Variants in S1PR2 observed in about 807,000 individuals in gnomAD.
S1PR2 encodes sphingosine-1-phosphate receptor 2, also known as sphingosine 1-phosphate receptor 2.
A neutral mutation model predicts 16.1 loss-of-function variants in S1PR2; 9 were observed. The ratio of observed to expected loss-of-function variants is 0.56; its 90% CI spans 0.34 to 0.98. The LOEUF (loss-of-function observed/expected upper bound fraction) is 0.98, where lower values mean the gene tolerates loss of function less well. S1PR2 is among the 50% of genes least tolerant of loss of function. The probability of loss-of-function intolerance (pLI) is 0.02; values close to 1 mark genes in which losing one functional copy is unlikely to be tolerated. For missense variants in S1PR2, 361 were observed against 488.4 expected, an observed-to-expected ratio of 0.74 and a Z score of 2.46; for synonymous variants, 224 against 233.9, an observed-to-expected ratio of 0.96 and a Z score of 0.38.
At chr19:10,226,618 AC>A (rs1372055803) in intron 1 of S1PR2, among the ~76,000 whole-genome samples, 1 of 152,144 alleles carries the variant, frequency 6.6e-6, no homozygotes, top group Non-Finnish European at 1.5e-5. Flanking sequence ...TCTCATCAGC[AC>A]CATCTAGCTC....
intron 1 of S1PR2, among the ~76,000 whole-genome samples, chr19:10,229,684 G>A (rs923511396): frequency 7.2e-5 from 11 of 152,112 alleles, no homozygotes; most frequent in African/African-American, 2.7e-4. Flanking sequence ...GCCCGTGGTA[G>A]CCACCCTACC....
At chr19:10,230,460 G>C (rs1430137498) in intron 1 of S1PR2, 1 of 154,600 alleles carries the variant, frequency 6.5e-6, no homozygotes, top group Non-Finnish European at 1.5e-5. Context: ...GGGGACTGTG[G>C]GCTCAGCGCG....
At chr19:10,225,787 G>A (rs879724466) in intron 1 of S1PR2, among the ~76,000 whole-genome samples, 7 of 151,820 alleles carry the variant, frequency 4.6e-5, no homozygotes, top group African/African-American at 7.3e-5. Context: ...AATTCTCCTC[G>A]GCCTCTCAAA....
At position 10,223,457 on chromosome 19, in the gene S1PR2, G is replaced by A. The variant is rs936304928; in HGVS notation, c.*387C>T. 3.9e-5 allele frequency: 7 copies of A among 179,098 alleles called. No individual in the cohort carries two copies. The highest frequency in any genetic ancestry group is 8.2e-5 in the Non-Finnish European group (7 of 85,482). 11.1% of individuals were successfully genotyped at this position (179,098 alleles called of 1,614,324 possible). A position where few individuals can be genotyped will look rare whatever the true frequency, so the allele number is the denominator to read the frequency against. On this transcript the variant is annotated 3_prime_UTR_variant, in exon 2 of 2. Coordinates refer to ENST00000646641, the MANE Select transcript of S1PR2 (RefSeq NM_004230.4). Reference sequence around the variant, plus strand: ...GCCGAGATCACGCCACTGCACTCCAGCCTGGGCAGCAGTGCAAGATTCCGT... The same window carrying A: ...GCCGAGATCACGCCACTGCACTCCAACCTGGGCAGCAGTGCAAGATTCCGT...
rs2039615715 is a variant in S1PR2 at position 10,224,360 on chromosome 19, G to A, written c.546C>T (p.Val182=). 5 of 1,613,958 alleles carry A rather than the reference G, an allele frequency of 3.1e-6. No individual in the cohort carries two copies. The highest frequency in any genetic ancestry group is 3.3e-5 in the Admixed American group (2 of 60,016). Reference sequence around the variant, plus strand: ...CATAATGCTTGGCGTAGAGAGGCAGGACAGTGGAGCAGGCCTCGAGGTGGC... The same window carrying A: ...CATAATGCTTGGCGTAGAGAGGCAGAACAGTGGAGCAGGCCTCGAGGTGGC... ...CLGHLEACST[V]LPLYAKHYVL... The change falls in exon 2 of 2, where the codon GTC becomes GTT. Residue 182 remains valine, a synonymous_variant. Transcript: ENST00000646641.
At chr19:10,230,016 A>G (rs2145446136) in intron 1 of S1PR2, among the ~76,000 whole-genome samples, 1 of 152,140 alleles carries the variant, frequency 6.6e-6, no homozygotes, top group South Asian at 2.1e-4. Flanking sequence ...AACAAAGGAG[A>G]CCCTAGTGGG....
chr19:10,226,200 C>T (rs768287206), intron 1 of S1PR2, among the ~76,000 whole-genome samples: 7 of 152,340 alleles, frequency 4.6e-5, no homozygotes, highest in South Asian at 4.1e-4. Flanking sequence ...CACCCACTAA[C>T]GCTGGATTTC....
Position 10,224,591 on chromosome 19 carries a change from C to T in S1PR2, c.315G>A (p.Trp105Ter), listed in dbSNP as rs1233557418. The T allele has an allele frequency of 1.2e-6, 2 of 1,614,014 alleles. No homozygotes were observed. Among genetic ancestry groups the T allele is most frequent in the Non-Finnish European group, 1.7e-6 (2 of 1,180,038 alleles). ...SVTLRLTPVQWFAREGSAFIT... is the reference protein window; with the variant it reads ...SVTLRLTPVQ ...TGAAGGCAGAGCCCTCCCGGGCAAA[C>T]CACTGCACAGGCGTCAGCCTCAGCG... Residue 105 changes from tryptophan to a stop codon, truncating the protein, a stop_gained, in exon 2 of 2, where the codon TGG becomes TGA. Transcript: ENST00000646641. LOFTEE classifies it high-confidence loss of function.
chr19:10,229,295 A>T (rs147869829), intron 1 of S1PR2, among the ~76,000 whole-genome samples: 36 of 146,896 alleles, frequency 2.5e-4, no homozygotes, highest in East Asian at 2.2e-3. Context: ...CAAAAAAAAA[A>T]TTTTTTTTTT....
intron 1 of S1PR2, among the ~76,000 whole-genome samples, chr19:10,230,140 A>G (rs2145446298): frequency 6.6e-6 from 1 of 152,344 alleles, no homozygotes; most frequent in South Asian, 2.1e-4. Context: ...AACCAGGCAA[A>G]GCCCAGCGTG....
intron 1 of S1PR2, among the ~76,000 whole-genome samples, chr19:10,227,759 C>T (rs1363719638): frequency 6.6e-6 from 1 of 152,176 alleles, no homozygotes; most frequent in African/African-American, 2.4e-5. Flanking sequence ...TTATAGGCGA[C>T]GGGAGCTCAG....
chr19:10,230,661 C>G (rs186315882), intron 1 of S1PR2, among the ~76,000 whole-genome samples: 1 of 152,360 alleles, frequency 6.6e-6, no homozygotes, highest in Admixed American at 6.5e-5. Context: ...GGCGTCTGAG[C>G]CACGCAGTCA....
chr19:10,223,617 G>A lies in S1PR2; in HGVS notation c.*227C>T. The A allele has an allele frequency of 6.0e-6, 3 of 503,346 alleles. 1 individual carries two copies. Among genetic ancestry groups the A allele is most frequent in the Non-Finnish European group, 1.0e-5 (3 of 287,224 alleles). The allele number at this position is 503,346 out of a possible 1,614,324, so 31.2% of individuals were successfully genotyped here. On this transcript the variant is annotated 3_prime_UTR_variant, in exon 2 of 2. Transcript: ENST00000646641. ...GGCCTCCCCAGGATCCAGTTCTAAA[G>A]GGGTCACACTAGCCACTGGACTGGC...
In S1PR2 at chr19:10,222,582, A is replaced by C. The variant is rs944152284; in HGVS notation, c.*1262T>G. ...TTCTGTGCCCCAAATAGTGCAACTG[A>C]GCAATGAGGTCTGAGAATGAGGAAT... is the stretch of plus-strand genomic sequence containing the variant. On this transcript the variant is annotated 3_prime_UTR_variant, in exon 2 of 2. Coordinates refer to ENST00000646641, the MANE Select transcript of S1PR2 (RefSeq NM_004230.4). 3.9e-5 allele frequency: 6 copies of C among 152,276 alleles called. No individual in the cohort carries two copies. The highest frequency in any genetic ancestry group is 1.4e-4 in the African/African-American group (6 of 41,422). 9.4% of individuals were successfully genotyped at this position (152,276 alleles called of 1,614,324 possible). A position where few individuals can be genotyped will look rare whatever the true frequency, so the allele number is the denominator to read the frequency against.
chr19:10,223,220 CT>C lies in S1PR2; in HGVS notation c.*623del, dbSNP rs2039605202. On this transcript the variant is annotated 3_prime_UTR_variant, in exon 2 of 2. Transcript: ENST00000646641. ...AAAAAAAAAAAGCCGGGCACGGTGG[CT>C]CACGCCTGTAATCCCAGCACTTTGG... The C allele has an allele frequency of 7.7e-6, 1 of 129,196 alleles. No homozygotes were observed. The allele number at this position is 129,196 out of a possible 1,614,324, so 8.0% of individuals were successfully genotyped here.
chr19:10,224,991 G>C (rs2039623331), intron 1 of S1PR2, 44 bp from the exon 2 acceptor site: 1 of 1,139,686 alleles, frequency 8.8e-7, no homozygotes, highest in African/African-American at 1.5e-5. Flanking sequence ...GGTCAGAGCT[G>C]TGGCTGCTAC....
chr19:10,227,455 C>T (rs535914436), intron 1 of S1PR2, among the ~76,000 whole-genome samples: 3 of 152,266 alleles, frequency 2.0e-5, no homozygotes, highest in Non-Finnish European at 4.4e-5. Context: ...TGCACGTCCC[C>T]GGGGACTGCT....
intron 1 of S1PR2, among the ~76,000 whole-genome samples, chr19:10,228,613 G>A (rs1039165190): frequency 5.3e-5 from 8 of 152,220 alleles, no homozygotes; most frequent in Admixed American, 6.5e-5. Context: ...GGAGCTGGCA[G>A]AAGAGTCACC....
At chr19:10,229,977 A>AAATG (rs56817125) in intron 1 of S1PR2, among the ~76,000 whole-genome samples, 36,397 of 151,616 alleles carry the variant, frequency 0.24, 5,604 homozygotes, top group African/African-American at 0.45. Flanking sequence ...TGGAATGGGC[A>AAATG]AATGAATGAA....
Sources: gnomAD v4.1 joint callset for allele counts (sites outside exome capture counted in the v4.1 genomes callset) on GRCh38, gnomAD v4.1.1 for gene constraint, MANE v1.5 for transcripts, NCBI Gene and HGNC (gene_info 2026-07-23, HGNC 2026-07-21) for gene names.